RGS17: variants seen among roughly 807,000 people sequenced by gnomAD.
RGS17 encodes the protein regulator of G protein signaling 17.
Under a neutral mutation model 25.5 loss-of-function variants are expected in RGS17, and 12 were observed. That is an observed-to-expected ratio of 0.47 (90% CI 0.30 to 0.76). The LOEUF (loss-of-function observed/expected upper bound fraction) is 0.76, where lower values mean the gene tolerates loss of function less well. RGS17 is among the 30% of genes least tolerant of loss of function. The probability of loss-of-function intolerance (pLI) is 0.07; values close to 1 mark genes in which losing one functional copy is unlikely to be tolerated. For synonymous variants in RGS17, 71 were observed against 76.9 expected (o/e 0.92, Z 0.40); for missense variants, 196 against 242.2 (o/e 0.81, Z 1.27).
At chr6:153,064,611 C>T (rs1776682348) in intron 1 of RGS17, among the ~76,000 whole-genome samples, 1 of 148,470 alleles carries the variant, frequency 6.7e-6, no homozygotes, top group African/African-American at 2.5e-5. Context: ...GCCTGGTCAA[C>T]AGAGCAAGAC....
intron 1 of RGS17, among the ~76,000 whole-genome samples, chr6:153,087,556 T>C (rs933302693): frequency 6.6e-6 from 1 of 152,218 alleles, no homozygotes; most frequent in Non-Finnish European, 1.5e-5. Context: ...TGCAATCTAA[T>C]GAAGAACTTT....
chr6:153,032,145 G>T (rs1018155546), intron 2 of RGS17, among the ~76,000 whole-genome samples: 1 of 152,090 alleles, frequency 6.6e-6, no homozygotes, highest in African/African-American at 2.4e-5. Context: ...CCAGAAGATG[G>T]GCTGGTAACC....
At chr6:153,026,351 A>C in intron 3 of RGS17, 103 bp downstream of exon 3, 1 of 655,352 alleles carries the variant, frequency 1.5e-6, no homozygotes, top group Non-Finnish European at 2.5e-6. Context: ...TCCCAAAATC[A>C]TTTTGAAGAG....
At chr6:153,025,719 T>C (rs6912953) in intron 3 of RGS17, among the ~76,000 whole-genome samples, 2,906 of 147,478 alleles carry the variant, frequency 0.02, 96 homozygotes, top group African/African-American at 0.067. Context: ...TATAAACATA[T>C]ATATAAACAT....
chr6:153,106,514 CTTTT>C, intron 1 of RGS17, among the ~76,000 whole-genome samples: 1 of 143,320 alleles, frequency 7.0e-6, no homozygotes, highest in East Asian at 2.1e-4. Context: ...ACATTCAGGA[CTTTT>C]TTTTTTTCAG....
At position 153,009,518 on chromosome 6, in the gene RGS17, ACATCTT is replaced by A. The variant is rs1416452807; in HGVS notation, c.*2050_*2055del. 6.6e-6 allele frequency: 1 copy of A among 152,000 alleles called. No homozygotes were observed. The highest frequency in any genetic ancestry group is 2.4e-5 in the African/African-American group (1 of 41,450). 9.4% of individuals were successfully genotyped at this position (152,000 alleles called of 1,614,324 possible). ...TAGGAAAAAATATGACTTTTTGTAA[ACATCTT>A]CATAGCTATCTTTTTTTCAACATAT... is the stretch of plus-strand genomic sequence containing the variant. On this transcript the variant is annotated 3_prime_UTR_variant, in exon 5 of 5. Coordinates refer to ENST00000206262, the MANE Select transcript of RGS17 (RefSeq NM_012419.5).
intron 1 of RGS17, among the ~76,000 whole-genome samples, chr6:153,114,005 A>G (rs899048355): frequency 8.5e-5 from 13 of 152,304 alleles, no homozygotes; most frequent in African/African-American, 3.1e-4. Flanking sequence ...AAACCCTAAC[A>G]TCATAATCAA....
intron 1 of RGS17, among the ~76,000 whole-genome samples, chr6:153,121,527 G>C (rs901779373): frequency 6.6e-6 from 1 of 152,098 alleles, no homozygotes; most frequent in Non-Finnish European, 1.5e-5. Context: ...CAGTGGCAAT[G>C]AGCAGACAAG....
At chr6:153,128,057 G>C (rs929158438) in intron 1 of RGS17, among the ~76,000 whole-genome samples, 1 of 152,154 alleles carries the variant, frequency 6.6e-6, no homozygotes, top group African/African-American at 2.4e-5. Flanking sequence ...AGGAAGGTGG[G>C]AGTATCCATC....
chr6:153,011,676 C>T lies in RGS17; in HGVS notation c.531G>A (p.Gln177=), dbSNP rs1183205097. ...NPHMYEDAQL[Q]IYTLMHRDSF... Reference sequence around the variant, plus strand: ...AATCTCTGTGCATTAAAGTATATATCTGAAGTTGGGCATCTTCATACATGT... The same window carrying T: ...AATCTCTGTGCATTAAAGTATATATTTGAAGTTGGGCATCTTCATACATGT... Residue 177 remains glutamine, a synonymous_variant, in exon 5 of 5, where the codon CAG becomes CAA. Coordinates refer to ENST00000206262, the MANE Select transcript of RGS17 (RefSeq NM_012419.5). 2.5e-6 allele frequency: 4 copies of T among 1,611,728 alleles called. No individual in the cohort carries two copies. The South Asian group carries it at 4.4e-5, about 18-fold the overall frequency.
At position 153,010,935 on chromosome 6, in the gene RGS17, G is replaced by A. The variant is rs139111589; in HGVS notation, c.*639C>T. On this transcript the variant is annotated 3_prime_UTR_variant, in exon 5 of 5. Coordinates refer to ENST00000206262, the MANE Select transcript of RGS17 (RefSeq NM_012419.5). ...TTAGCATAGTAAACTCTCCTGTAAT[G>A]AAAATGCCACAGTTTTGGCAGTGAA... 1.4e-5 allele frequency: 2 copies of A among 139,282 alleles called. No individual in the cohort carries two copies. Among genetic ancestry groups the A allele is most frequent in the East Asian group, 4.2e-4 (2 of 4,798 alleles). 8.6% of individuals were successfully genotyped at this position (139,282 alleles called of 1,614,324 possible). A position where few individuals can be genotyped will look rare whatever the true frequency, so the allele number is the denominator to read the frequency against.
rs1263845810 is a variant in RGS17, at chr6:153,130,280, A to G, written c.-26+844T>C. 6.6e-6 allele frequency among the ~76,000 whole-genome samples: 1 copy of G among 152,122 alleles called. No individual in the cohort carries two copies. The highest frequency in any genetic ancestry group is 1.5e-5 in the Non-Finnish European group (1 of 68,028). The stretch of plus-strand genomic sequence containing the variant: ...TAAACTATGATTCCATCGATCACGG[A>G]AAGACCACCATCACCTACAGCAAAG... On this transcript the variant is annotated intron_variant, in intron 1 of 4. Coordinates refer to ENST00000206262, the MANE Select transcript of RGS17 (RefSeq NM_012419.5). The surrounding 1 kb of genome is among the most constrained non-coding windows in gnomAD (Gnocchi z 6.4).
At chr6:153,032,047 C>A (rs1779369118) in intron 2 of RGS17, among the ~76,000 whole-genome samples, 1 of 152,000 alleles carries the variant, frequency 6.6e-6, no homozygotes. Context: ...CAGGACAGGG[C>A]AACAAGGAAA....
intron 1 of RGS17, among the ~76,000 whole-genome samples, chr6:153,113,236 C>T (rs76949478): frequency 6.6e-6 from 1 of 151,774 alleles, no homozygotes; most frequent in African/African-American, 2.4e-5. Flanking sequence ...AGAATATTTA[C>T]CAAGCAAAGG....
chr6:153,049,084 A>G (rs1025393302), intron 1 of RGS17, among the ~76,000 whole-genome samples: 4 of 152,200 alleles, frequency 2.6e-5, no homozygotes, highest in African/African-American at 7.2e-5. Flanking sequence ...CAAAATTAGA[A>G]AAAATAAATA....
chr6:153,066,418 A>T (rs1434329520), intron 1 of RGS17, among the ~76,000 whole-genome samples: 3 of 152,200 alleles, frequency 2.0e-5, no homozygotes, highest in Admixed American at 2.0e-4. Flanking sequence ...ATTCCATCAA[A>T]CATTTAAAGA....
chr6:153,093,574 C>A (rs73785743), intron 1 of RGS17, among the ~76,000 whole-genome samples: 3,582 of 152,120 alleles, frequency 0.024, 138 homozygotes, highest in African/African-American at 0.078. Context: ...GAGGACTAAA[C>A]AAGGGAAAAA....
intron 1 of RGS17, among the ~76,000 whole-genome samples, chr6:153,044,691 A>G (rs1441452338): frequency 6.6e-6 from 1 of 152,218 alleles, no homozygotes; most frequent in African/African-American, 2.4e-5. Context: ...ATCTTTATTT[A>G]ACGGAGAGTT....
intron 1 of RGS17, among the ~76,000 whole-genome samples, chr6:153,066,417 A>G (rs1295094805): frequency 6.6e-6 from 1 of 152,204 alleles, no homozygotes; most frequent in African/African-American, 2.4e-5. Flanking sequence ...AATTCCATCA[A>G]ACATTTAAAG....
Sources: allele counts gnomAD v4.1 joint callset (sites outside exome capture counted in the v4.1 genomes callset), GRCh38; gene constraint gnomAD v4.1.1; non-coding constraint Gnocchi (gnomAD v3.1); transcripts MANE v1.5; gene names NCBI Gene and HGNC (gene_info 2026-07-23, HGNC 2026-07-21).